Variants in PAK2 observed in about 807,000 individuals in gnomAD.
The protein encoded by PAK2 is serine/threonine-protein kinase PAK 2.
A neutral mutation model predicts 65.9 loss-of-function variants in PAK2; 21 were observed. The observed-to-expected ratio is 0.32, with a 90% CI of 0.23 to 0.46. The LOEUF (loss-of-function observed/expected upper bound fraction) is 0.46, where lower values mean the gene tolerates loss of function less well. Among genes scored for constraint, PAK2 ranks in the 20% least tolerant of loss-of-function variants. The probability of loss-of-function intolerance (pLI) is 1.00; values close to 1 mark genes in which losing one functional copy is unlikely to be tolerated. For synonymous variants in PAK2, 204 were observed against 219.7 expected (o/e 0.93, Z 0.63); for missense variants, 324 against 642.6 (o/e 0.50, Z 5.36).
At chr3:196,741,856 C>G (rs1713202878) in intron 1 of PAK2, among the ~76,000 whole-genome samples, 1 of 152,160 alleles carries the variant, frequency 6.6e-6, no homozygotes, top group African/African-American at 2.4e-5. Context: ...CTGCCAGTTT[C>G]TTCTAATCAG....
At chr3:196,769,720 G>A (rs1714300988) in intron 1 of PAK2, among the ~76,000 whole-genome samples, 1 of 151,940 alleles carries the variant, frequency 6.6e-6, no homozygotes, top group South Asian at 2.1e-4. Flanking sequence ...GGGAAGCTGA[G>A]GCAGGAGAAT....
At chr3:196,811,240 TTCCCTCCCTCCCCTCCC>T (rs1715789939) in intron 8 of PAK2, among the ~76,000 whole-genome samples, 1 of 35,820 alleles carries the variant, frequency 2.8e-5, no homozygotes, top group Non-Finnish European at 5.5e-5. Context: ...CTTCCCTTCC[TTCCCTCCCTCCCCTCCC>T]TCCCTTCCTT....
At chr3:196,817,556 T>C (rs1402122309) in intron 11 of PAK2, among the ~76,000 whole-genome samples, 2 of 152,166 alleles carry the variant, frequency 1.3e-5, no homozygotes, top group African/African-American at 4.8e-5. Flanking sequence ...TTTCACCATG[T>C]TGGCCAGGCT....
At chr3:196,777,392 C>T (rs1291014956) in intron 1 of PAK2, among the ~76,000 whole-genome samples, 4 of 151,974 alleles carry the variant, frequency 2.6e-5, no homozygotes, top group Non-Finnish European at 5.9e-5. Context: ...TTAGTATAGA[C>T]GGGGTTTCAG....
At chr3:196,761,309 C>T (rs867333604) in intron 1 of PAK2, among the ~76,000 whole-genome samples, 3 of 101,758 alleles carry the variant, frequency 2.9e-5, no homozygotes, top group Non-Finnish European at 3.9e-5. Flanking sequence ...TGCGGCCTTC[C>T]GCAGTGTTTG....
At chr3:196,746,020 G>A (rs1713366940) in intron 1 of PAK2, among the ~76,000 whole-genome samples, 1 of 150,966 alleles carries the variant, frequency 6.6e-6, no homozygotes, top group African/African-American at 2.4e-5. Flanking sequence ...TTAAAGACGG[G>A]GTTTCACCGT....
intron 13 of PAK2, among the ~76,000 whole-genome samples, chr3:196,826,429 C>A (rs1711877239): frequency 6.6e-6 from 1 of 151,934 alleles, no homozygotes; most frequent in Admixed American, 6.6e-5. Context: ...GCCTTAGCCT[C>A]CCAAAGTACT....
Position 196,829,449 on chromosome 3 carries a change from G to A in PAK2, c.*1044G>A, listed in dbSNP as rs765874256. ...AATATAATAACCAGTGAATTTTCAG[G>A]AATTTAAAAATTAGCTTTTTTCCAC... is the stretch of plus-strand genomic sequence containing the variant. On this transcript the variant is annotated 3_prime_UTR_variant, in exon 15 of 15. Coordinates refer to ENST00000327134, the MANE Select transcript of PAK2 (RefSeq NM_002577.4). 3 of 152,274 alleles carry A rather than the reference G, an allele frequency of 2.0e-5. No individual in the cohort carries two copies. The highest frequency in any genetic ancestry group is 2.9e-5 in the Non-Finnish European group (2 of 68,030). The allele number at this position is 152,274 out of a possible 1,614,324, so 9.4% of individuals were successfully genotyped here.
intron 1 of PAK2, among the ~76,000 whole-genome samples, chr3:196,763,103 C>T (rs1450428866): frequency 6.6e-6 from 1 of 152,132 alleles, no homozygotes; most frequent in Non-Finnish European, 1.5e-5. Context: ...TTCCTTTTCC[C>T]AGAGCTGAGA....
At chr3:196,817,956 T>TG (rs1711526364) in intron 11 of PAK2, 101 bp from the exon 12 acceptor site, 1 of 520,206 alleles carries the variant, frequency 1.9e-6, no homozygotes. Context: ...GAGGGTCTTC[T>TG]GCTGGGCACT....
chr3:196,828,283 C>T (rs1287748572), intron 14 of PAK2, 36 bp from the exon 15 acceptor site: 2 of 1,178,622 alleles, frequency 1.7e-6, no homozygotes, highest in South Asian at 1.2e-5. Context: ...TGATGAATGG[C>T]ACTTATACAT....
At chr3:196,785,780 G>A (rs1044459553) in intron 2 of PAK2, among the ~76,000 whole-genome samples, 2 of 152,110 alleles carry the variant, frequency 1.3e-5, no homozygotes, top group African/African-American at 2.4e-5. Flanking sequence ...GGAGCAAGTC[G>A]CGTCCTACGT....
chr3:196,805,703 C>T (rs1386193981), intron 5 of PAK2, among the ~76,000 whole-genome samples: 5 of 152,042 alleles, frequency 3.3e-5, no homozygotes, highest in Non-Finnish European at 7.4e-5. Flanking sequence ...AGTTTTCCTT[C>T]TGGTACTATT....
chr3:196,773,400 C>T (rs1026260796), intron 1 of PAK2, among the ~76,000 whole-genome samples: 2 of 152,120 alleles, frequency 1.3e-5, no homozygotes, highest in African/African-American at 4.8e-5. Flanking sequence ...ATCACAGTCT[C>T]ATTTGGTACT....
chr3:196,794,824 C>T (rs773153737), intron 2 of PAK2, among the ~76,000 whole-genome samples: 9 of 152,140 alleles, frequency 5.9e-5, no homozygotes, highest in Non-Finnish European at 1.2e-4. Flanking sequence ...CCAGAATATC[C>T]CCTTGGGGAC....
intron 12 of PAK2, among the ~76,000 whole-genome samples, chr3:196,819,131 A>T (rs1206382250): frequency 1.3e-5 from 2 of 152,140 alleles, no homozygotes; most frequent in Non-Finnish European, 2.9e-5. Flanking sequence ...TTATATTTTT[A>T]TATTCTGTAT....
chr3:196,817,247 C>T (rs1711510464), intron 11 of PAK2, among the ~76,000 whole-genome samples: 1 of 141,164 alleles, frequency 7.1e-6, no homozygotes, highest in South Asian at 2.3e-4. Flanking sequence ...TTACTGCAAT[C>T]TCTGCCTCCT....
At chr3:196,755,063 T>C (rs866998798) in intron 1 of PAK2, among the ~76,000 whole-genome samples, 2 of 152,226 alleles carry the variant, frequency 1.3e-5, no homozygotes. Flanking sequence ...ACCTTAAAGC[T>C]AATTGAAATC....
chr3:196,763,396 C>T (rs1018039930), intron 1 of PAK2, among the ~76,000 whole-genome samples: 14 of 152,146 alleles, frequency 9.2e-5, no homozygotes, highest in East Asian at 7.7e-4. Flanking sequence ...GGAAGCAAAA[C>T]TCCTTTTCTT....
Sources: allele counts gnomAD v4.1 joint callset (sites outside exome capture counted in the v4.1 genomes callset), GRCh38; gene constraint gnomAD v4.1.1; transcripts MANE v1.5; gene names NCBI Gene and HGNC (gene_info 2026-07-23, HGNC 2026-07-21).